The following FAT3 variants were observed in gnomAD, a reference collection of about 807,000 sequenced individuals.
FAT3 encodes FAT atypical cadherin 3.
Under a neutral mutation model 310.2 loss-of-function variants are expected in FAT3, and 95 were observed. The ratio of observed to expected loss-of-function variants is 0.31; its 90% CI spans 0.26 to 0.36. The LOEUF (loss-of-function observed/expected upper bound fraction) is 0.36, where lower values mean the gene tolerates loss of function less well. Among genes scored for constraint, FAT3 ranks in the 10% least tolerant of loss-of-function variants. FAT3 has a pLI of 1.00. For missense variants in FAT3, 5,408 were observed against 5,715.6 expected (o/e 0.95, Z 1.74); for synonymous variants, 2,314 against 2,192.9 (o/e 1.06, Z -1.54).
At chr11:92,531,641 A>C (rs1954076919) in intron 3 of FAT3, among the ~76,000 whole-genome samples, 1 of 152,024 alleles carries the variant, frequency 6.6e-6, no homozygotes, top group Non-Finnish European at 1.5e-5. Context: ...CACTGAGAAC[A>C]GGTAGCGATG....
At chr11:92,709,359 G>T (rs1944454335) in intron 4 of FAT3, among the ~76,000 whole-genome samples, 1 of 152,192 alleles carries the variant, frequency 6.6e-6, no homozygotes, top group African/African-American at 2.4e-5. Flanking sequence ...CCACAGCATG[G>T]TTAATATTCA....
chr11:92,433,252 T>C (rs1364582048), intron 2 of FAT3, among the ~76,000 whole-genome samples: 1 of 152,074 alleles, frequency 6.6e-6, no homozygotes, highest in African/African-American at 2.4e-5. Context: ...CGGTTCTGTC[T>C]CACTGGCATT....
intron 7 of FAT3, among the ~76,000 whole-genome samples, chr11:92,779,997 C>G (rs1946702252): frequency 6.6e-6 from 1 of 152,154 alleles, no homozygotes; most frequent in Admixed American, 6.5e-5. Flanking sequence ...CCACAAGGAA[C>G]TATATTCGGT....
intron 2 of FAT3, among the ~76,000 whole-genome samples, chr11:92,388,942 A>T (rs1374369359): frequency 1.3e-5 from 2 of 152,074 alleles, no homozygotes; most frequent in Non-Finnish European, 2.9e-5. Flanking sequence ...CTTCAAATGC[A>T]TTTGTTGCTT....
At chr11:92,865,715 A>G (rs1268176270) in intron 21 of FAT3, among the ~76,000 whole-genome samples, 1 of 152,218 alleles carries the variant, frequency 6.6e-6, no homozygotes, top group Non-Finnish European at 1.5e-5. Flanking sequence ...TGGACGACAC[A>G]GGGGATTCAA....
Position 92,799,005 on chromosome 11 carries a change from A to T in FAT3, c.5992A>T (p.Ile1998Leu). The change falls in exon 10 of 28, where the codon ATA becomes TTA. Residue 1998 changes from isoleucine (I) to leucine (L), a missense_variant. By Grantham distance (5) the Ile-to-Leu change is conservative (BLOSUM62 2). Coordinates refer to ENST00000525166, the MANE Select transcript of FAT3 (RefSeq NM_001367949.2). The part of the protein sequence containing the change: ...STSISENNTN[I>L]TKVAIVNAVG... Reference sequence around the variant, plus strand: ...CTCAATCTCAGAGAACAACACTAACATAACCAAAGTTGCTATTGTCAATGC... The same window carrying T: ...CTCAATCTCAGAGAACAACACTAACTTAACCAAAGTTGCTATTGTCAATGC... 6.2e-7 allele frequency: 1 copy of T among 1,613,964 alleles called. No individual in the cohort carries two copies. The highest frequency in any genetic ancestry group is 2.2e-5 in the East Asian group (1 of 44,878).
At chr11:92,783,410 T>A (rs547234907) in intron 7 of FAT3, among the ~76,000 whole-genome samples, 1 of 150,944 alleles carries the variant, frequency 6.6e-6, no homozygotes, top group East Asian at 1.9e-4. Flanking sequence ...CTTGTGTATT[T>A]AGATTAGGAA....
At position 92,688,010 on chromosome 11, in the gene FAT3, A is replaced by G. The variant is rs552588986; in HGVS notation, c.3608-9374A>G. ...TGAGGCCAGGAATTTGAGACCAGGA[A>G]TTAGAGACCACATCTCTACCAAAAA... On this transcript the variant is annotated intron_variant, in intron 3 of 27. Transcript: ENST00000525166. Among the ~76,000 whole-genome samples the G allele has an allele frequency of 6.6e-5, 10 of 151,600 alleles. 1 individual carries two copies. The South Asian group carries it at 2.1e-3, about 32-fold the overall frequency.
intron 3 of FAT3, among the ~76,000 whole-genome samples, chr11:92,545,334 G>A (rs1159968779): frequency 3.9e-5 from 6 of 152,032 alleles, no homozygotes; most frequent in Non-Finnish European, 8.8e-5. Flanking sequence ...GTATATATGT[G>A]ACCTATTTAT....
chr11:92,816,820 A>G (rs1947837366), intron 13 of FAT3, among the ~76,000 whole-genome samples: 1 of 152,078 alleles, frequency 6.6e-6, no homozygotes, highest in South Asian at 2.1e-4. Flanking sequence ...TACTAAAAAT[A>G]CAAAAATTAG....
At chr11:92,598,283 G>A (rs1939827089) in intron 3 of FAT3, among the ~76,000 whole-genome samples, 1 of 147,572 alleles carries the variant, frequency 6.8e-6, no homozygotes, top group Non-Finnish European at 1.5e-5. Flanking sequence ...CTGGAGTACA[G>A]TGTCACAATC....
chr11:92,304,569 T>C lies in FAT3; in HGVS notation c.-17-47527T>C, dbSNP rs574483240. 8.5e-5 allele frequency among the ~76,000 whole-genome samples: 13 copies of C among 152,226 alleles called. No homozygotes were observed. The East Asian group carries it at 2.1e-3, about 25-fold the overall frequency. On this transcript the variant is annotated intron_variant, in intron 1 of 27. Coordinates refer to ENST00000525166, the MANE Select transcript of FAT3 (RefSeq NM_001367949.2). ...CAAATTTCGGTCTAATAGCTTATAC[T>C]CAAACCACCTCTGCAGTTGTCTGTC... is the stretch of plus-strand genomic sequence containing the variant.
intron 2 of FAT3, among the ~76,000 whole-genome samples, chr11:92,509,815 G>T (rs1157714753): frequency 6.6e-6 from 1 of 152,090 alleles, no homozygotes; most frequent in Non-Finnish European, 1.5e-5. Flanking sequence ...TAGAACAAAG[G>T]CAATGCAACA....
At chr11:92,542,800 A>G (rs980957326) in intron 3 of FAT3, among the ~76,000 whole-genome samples, 2 of 152,230 alleles carry the variant, frequency 1.3e-5, no homozygotes, top group Admixed American at 1.3e-4. Context: ...AAGTTACCAT[A>G]TGATCCAGCT....
intron 1 of FAT3, among the ~76,000 whole-genome samples, chr11:92,318,509 C>T (rs965039014): frequency 6.6e-6 from 1 of 152,124 alleles, no homozygotes; most frequent in East Asian, 1.9e-4. Flanking sequence ...CACCAGAATC[C>T]TCCTCCTTTT....
chr11:92,703,126 T>C (rs921402322), intron 4 of FAT3, among the ~76,000 whole-genome samples: 6 of 152,242 alleles, frequency 3.9e-5, no homozygotes, highest in African/African-American at 1.4e-4. Context: ...TTTCTTCCTG[T>C]CTGAAGTTCT....
chr11:92,778,180 T>C (rs1289887442), intron 7 of FAT3, among the ~76,000 whole-genome samples: 1 of 152,164 alleles, frequency 6.6e-6, no homozygotes, highest in Non-Finnish European at 1.5e-5. Context: ...TAGTGGGTTT[T>C]TCCCAGTTCC....
intron 1 of FAT3, among the ~76,000 whole-genome samples, chr11:92,272,675 C>T (rs1274488985): frequency 6.6e-6 from 1 of 151,908 alleles, no homozygotes; most frequent in East Asian, 1.9e-4. Flanking sequence ...TTAAGGAGAA[C>T]ATGGGGTGTG....
At chr11:92,361,648 T>C (rs187776715) in intron 2 of FAT3, among the ~76,000 whole-genome samples, 102 of 152,294 alleles carry the variant, frequency 6.7e-4, no homozygotes, top group African/African-American at 2.3e-3. Flanking sequence ...TGCTTACAAA[T>C]TACCCAGTGT....
Sources: gnomAD v4.1 joint callset for allele counts (sites outside exome capture counted in the v4.1 genomes callset) on GRCh38, gnomAD v4.1.1 for gene constraint, MANE v1.5 for transcripts, NCBI Gene and HGNC (gene_info 2026-07-23, HGNC 2026-07-21) for gene names.